LARGE1: variants seen among roughly 807,000 people sequenced by gnomAD.
LARGE1 encodes the protein xylosyl- and glucuronyltransferase LARGE1.
LARGE1 carries 43 observed loss-of-function variants against 87.6 expected under a neutral mutation model. That is an observed-to-expected ratio of 0.49 (90% CI 0.38 to 0.63). LARGE1 has a LOEUF of 0.63. LARGE1 is among the 30% of genes least tolerant of loss of function. The pLI is 0.00. For missense variants in LARGE1, 802 were observed against 1,000.2 expected, an observed-to-expected ratio of 0.80 and a Z score of 2.67; for synonymous variants, 434 against 394.6, an observed-to-expected ratio of 1.10 and a Z score of -1.18.
intron 12 of LARGE1, among the ~76,000 whole-genome samples, chr22:33,284,407 A>G (rs549502551): frequency 6.6e-6 from 1 of 152,216 alleles, no homozygotes; most frequent in Admixed American, 6.5e-5. Flanking sequence ...TATCTCCCTA[A>G]GAGAAAGTTA....
chr22:33,694,026 C>T (rs536295544), intron 2 of LARGE1, among the ~76,000 whole-genome samples: 12 of 152,246 alleles, frequency 7.9e-5, no homozygotes, highest in African/African-American at 2.9e-4. Context: ...ATTTGAGGCC[C>T]AATACAGTCC....
intron 7 of LARGE1, among the ~76,000 whole-genome samples, chr22:33,391,801 G>A (rs2065536742): frequency 8.2e-6 from 1 of 122,154 alleles, no homozygotes. Flanking sequence ...ACGGAGTCTT[G>A]CACTGTCGCT....
downstream of LARGE1, among the ~76,000 whole-genome samples, chr22:33,268,336 G>T (rs375871918): frequency 1.3e-5 from 2 of 150,976 alleles, no homozygotes; most frequent in East Asian, 3.9e-4. Context: ...AACTATGAAG[G>T]TTCACATTTA....
chr22:33,390,322 G>A (rs1436763920), intron 7 of LARGE1, among the ~76,000 whole-genome samples: 6 of 152,172 alleles, frequency 3.9e-5, no homozygotes, highest in Non-Finnish European at 8.8e-5. Context: ...CTTAGAAAGG[G>A]GGGCTGGTTA....
chr22:33,377,089 A>C lies in LARGE1; in HGVS notation c.1131+4830T>G, dbSNP rs1219973329. 3.3e-5 allele frequency among the ~76,000 whole-genome samples: 5 copies of C among 152,222 alleles called. No individual in the cohort carries two copies. The East Asian group carries it at 9.6e-4, about 29-fold the overall frequency. ...ACACTTTTGGGGAAACATCTTGATC[A>C]AAAGGGTGAAATATGAATGTTGCCA... On this transcript the variant is annotated intron_variant, in intron 9 of 14. Transcript: ENST00000397394.
intron 2 of LARGE1, among the ~76,000 whole-genome samples, chr22:33,700,614 C>T (rs980739492): frequency 6.6e-6 from 1 of 152,088 alleles, no homozygotes; most frequent in African/African-American, 2.4e-5. Flanking sequence ...GTTCAGAGCC[C>T]ACTGTGGTGC....
At chr22:33,690,232 T>C (rs2082058932) in intron 2 of LARGE1, among the ~76,000 whole-genome samples, 1 of 152,140 alleles carries the variant, frequency 6.6e-6, no homozygotes, top group Non-Finnish European at 1.5e-5. Flanking sequence ...AAAGAAAAGT[T>C]AGGCAAAATG....
At chr22:33,904,260 A>G (rs1466366677) in intron 1 of LARGE1, among the ~76,000 whole-genome samples, 2 of 152,064 alleles carry the variant, frequency 1.3e-5, no homozygotes, top group East Asian at 1.9e-4. Flanking sequence ...GGTTCAAGTG[A>G]TTCTCCTGCC....
chr22:33,587,168 A>G (rs1213171947), intron 5 of LARGE1, among the ~76,000 whole-genome samples: 2 of 152,250 alleles, frequency 1.3e-5, no homozygotes, highest in South Asian at 2.1e-4. Flanking sequence ...TCAACGATGT[A>G]CCATACTTTA....
intron 5 of LARGE1, among the ~76,000 whole-genome samples, chr22:33,599,580 A>G (rs1294094752): frequency 1.3e-5 from 2 of 152,206 alleles, no homozygotes; most frequent in African/African-American, 4.8e-5. Flanking sequence ...ATTGGTCATT[A>G]CAGAGAGAAG....
chr22:33,723,162 C>T (rs542405133), intron 2 of LARGE1, among the ~76,000 whole-genome samples: 20 of 152,168 alleles, frequency 1.3e-4, no homozygotes, highest in Admixed American at 1.2e-3. Context: ...AAGGCTTGTT[C>T]GAACAAGGAA....
At chr22:33,517,592 G>T (rs1013097108) in intron 6 of LARGE1, among the ~76,000 whole-genome samples, 6 of 143,102 alleles carry the variant, frequency 4.2e-5, no homozygotes, top group African/African-American at 1.6e-4. Context: ...AGTAGAGATG[G>T]GGTTTCACCA....
chr22:33,252,664 G>A (rs184808729), intron 11 of LARGE1, among the ~76,000 whole-genome samples: 5 of 151,306 alleles, frequency 3.3e-5, no homozygotes, highest in South Asian at 2.2e-4. Context: ...GCCCAAAGAC[G>A]TGTGCCTTCC....
chr22:33,210,961 A>T (rs146146810), intron 11 of LARGE1, among the ~76,000 whole-genome samples: 23 of 152,274 alleles, frequency 1.5e-4, no homozygotes, highest in Middle Eastern at 6.8e-3. Context: ...CTTTGAAGAT[A>T]GTTGTGTTAT....
At chr22:33,394,198 CTTTTT>C (rs531894455) in intron 7 of LARGE1, among the ~76,000 whole-genome samples, 1 of 126,806 alleles carries the variant, frequency 7.9e-6, no homozygotes. Flanking sequence ...ACCTCTGATT[CTTTTT>C]TTTTTTTTTT....
At chr22:33,703,196 G>T (rs758523550) in intron 2 of LARGE1, among the ~76,000 whole-genome samples, 2 of 152,040 alleles carry the variant, frequency 1.3e-5, no homozygotes, top group African/African-American at 4.8e-5. Context: ...TATCAGAGGG[G>T]TGGAGGAAAA....
At chr22:33,408,986 G>T (rs1350598419) in intron 7 of LARGE1, among the ~76,000 whole-genome samples, 6 of 152,062 alleles carry the variant, frequency 3.9e-5, no homozygotes, top group Admixed American at 3.9e-4. Context: ...CATTGAGCTC[G>T]GTATGAAGTC....
intron 1 of LARGE1, among the ~76,000 whole-genome samples, chr22:33,866,124 A>T (rs1043724018): frequency 6.6e-5 from 10 of 151,924 alleles, no homozygotes; most frequent in Non-Finnish European, 1.3e-4. Context: ...AGCTCTGGGT[A>T]GGCCCAGAGT....
chr22:33,605,762 C>T (rs895591153), intron 4 of LARGE1, among the ~76,000 whole-genome samples: 1 of 152,150 alleles, frequency 6.6e-6, no homozygotes, highest in Non-Finnish European at 1.5e-5. Context: ...TGACCCGGCC[C>T]GCTGACCTCA....
Sources: allele counts gnomAD v4.1 joint callset (sites outside exome capture counted in the v4.1 genomes callset), GRCh38; gene constraint gnomAD v4.1.1; transcripts MANE v1.5; gene names NCBI Gene and HGNC (gene_info 2026-07-23, HGNC 2026-07-21).